Variants in RNF19A observed in about 807,000 individuals in gnomAD.
RNF19A encodes the protein ring finger protein 19A, RBR E3 ubiquitin protein ligase.
In RNF19A, 32 loss-of-function variants were observed where a neutral mutation model predicts 75.7. The ratio of observed to expected loss-of-function variants is 0.42; its 90% CI spans 0.32 to 0.57. The LOEUF is 0.57. RNF19A is among the 20% of genes least tolerant of loss of function. The pLI, the probability that RNF19A is intolerant of heterozygous loss-of-function variation, is 0.10. For synonymous variants in RNF19A, 335 were observed against 345.2 expected (o/e 0.97, Z 0.33); for missense variants, 782 against 1,036.3 (o/e 0.75, Z 3.37).
At chr8:100,280,338 T>C (rs1820723185) in intron 2 of RNF19A, among the ~76,000 whole-genome samples, 1 of 152,168 alleles carries the variant, frequency 6.6e-6, no homozygotes, top group Non-Finnish European at 1.5e-5. Context: ...AATAAGATTA[T>C]ACATATGTAG....
chr8:100,334,970 T>C (rs1054933925), intron 1 of RNF19A, among the ~76,000 whole-genome samples: 1 of 152,146 alleles, frequency 6.6e-6, no homozygotes, highest in African/African-American at 2.4e-5. Flanking sequence ...TAAAATAAGC[T>C]CAGATCTCCC....
rs1362505499 is a variant in RNF19A, at chr8:100,317,422, T to G, written c.-242-4050A>C. 6.6e-6 allele frequency among the ~76,000 whole-genome samples: 1 copy of G among 152,196 alleles called. No homozygotes were observed. The highest frequency in any genetic ancestry group is 1.5e-5 in the Non-Finnish European group (1 of 68,022). On this transcript the variant is annotated intron_variant, in intron 1 of 3. Coordinates refer to the RNF19A transcript ENST00000519527. The surrounding 1 kb of genome is among the most constrained non-coding windows in gnomAD (Gnocchi z 4.3). ...TTCCACTAGATCTCTCACTGGGCCCTTCAGAGAGTGCCAGGGGAAAGGAAA... is the reference window on the plus strand; with the variant it reads ...TTCCACTAGATCTCTCACTGGGCCCGTCAGAGAGTGCCAGGGGAAAGGAAA...
chr8:100,262,696 TG>T (rs1405286206), intron 7 of RNF19A, among the ~76,000 whole-genome samples: 5 of 152,178 alleles, frequency 3.3e-5, no homozygotes, highest in Admixed American at 3.3e-4. Context: ...CATGTGACTA[TG>T]GCTGCACTAT....
intron 1 of RNF19A, among the ~76,000 whole-genome samples, chr8:100,292,865 A>G (rs1020607434): frequency 6.6e-6 from 1 of 152,126 alleles, no homozygotes; most frequent in Non-Finnish European, 1.5e-5. Context: ...TGGAGGATGA[A>G]ACCTAATTGT....
In RNF19A at chr8:100,260,495, C is replaced by T. The variant is rs1212561129; in HGVS notation, c.1683-498G>A. On this transcript the variant is annotated intron_variant, in intron 8 of 9. Transcript: ENST00000341084. The surrounding 1 kb of genome is among the most constrained non-coding windows in gnomAD (Gnocchi z 4.1). Reference sequence around the variant, plus strand: ...ATGTTGCCCAGGCTGGTCTCAAATTCCTGGCCTCAAGCTATCCTCCCAACC... The same window carrying T: ...ATGTTGCCCAGGCTGGTCTCAAATTTCTGGCCTCAAGCTATCCTCCCAACC... Among the ~76,000 whole-genome samples, 1 of 152,024 alleles carries T rather than the reference C, an allele frequency of 6.6e-6. No homozygotes were observed. The highest frequency in any genetic ancestry group is 6.6e-5 in the Admixed American group (1 of 15,264).
intron 1 of RNF19A, among the ~76,000 whole-genome samples, chr8:100,308,689 TAAA>T (rs60819091): frequency 1.3e-5 from 2 of 149,058 alleles, no homozygotes; most frequent in Non-Finnish European, 3.0e-5. Context: ...CCATGTTCTT[TAAA>T]AAAAAAAAAT....
chr8:100,323,183 C>T lies in RNF19A; in HGVS notation c.-242-9811G>A, dbSNP rs1822485100. 6.6e-6 allele frequency among the ~76,000 whole-genome samples: 1 copy of T among 152,166 alleles called. No individual in the cohort carries two copies. The highest frequency in any genetic ancestry group is 3.4e-3 in the Middle Eastern group (1 of 294). Reference sequence around the variant, plus strand: ...GTAAGCCCATAAATATTAGCTGTTACCCAGAGTGTTATTTTAAGATGATGG... The same window carrying T: ...GTAAGCCCATAAATATTAGCTGTTATCCAGAGTGTTATTTTAAGATGATGG... On this transcript the variant is annotated intron_variant, in intron 1 of 3. Transcript: ENST00000519527. The surrounding 1 kb of genome is among the most constrained non-coding windows in gnomAD (Gnocchi z 4.6).
rs115110219 is a variant in RNF19A, at chr8:100,309,474, C to G, written c.-94+393G>C. The stretch of plus-strand genomic sequence containing the variant: ...CCGCGGCAACCGCCCTTGGGTCTCC[C>G]CCGCTTTAGGGGCAGGAGACAGCTC... On this transcript the variant is annotated intron_variant, in intron 1 of 9. Transcript: ENST00000341084. The G allele has an allele frequency of 1.2e-3, 1,138 of 985,550 alleles. 13 individuals are homozygous for G. In the African/African-American group the frequency reaches 0.019, roughly 17 times the overall value. The allele number at this position is 985,550 out of a possible 1,614,324, so 61.1% of individuals were successfully genotyped here.
At chr8:100,306,443 G>T (rs1586684499) in intron 1 of RNF19A, among the ~76,000 whole-genome samples, 1 of 151,704 alleles carries the variant, frequency 6.6e-6, no homozygotes, top group African/African-American at 2.4e-5. Flanking sequence ...ACATCAATAG[G>T]ATAAGACTAC....
At chr8:100,314,291 T>C (rs115977382), upstream of RNF19A, among the ~76,000 whole-genome samples, 1,269 of 152,298 alleles carry the variant, frequency 8.3e-3, 22 homozygotes, top group African/African-American at 0.029. The surrounding 1 kb of genome is among the most constrained non-coding windows in gnomAD (Gnocchi z 4.1). Flanking sequence ...ACATATACTA[T>C]ATGACAGGCA....
rs1330445389 is a variant in RNF19A, at chr8:100,257,422, T to G, written c.*1134A>C. 1 of 152,680 alleles carries G rather than the reference T, an allele frequency of 6.5e-6. No homozygotes were observed. Among genetic ancestry groups the G allele is most frequent in the Non-Finnish European group, 1.5e-5 (1 of 68,048 alleles). 9.5% of individuals were successfully genotyped at this position (152,680 alleles called of 1,614,324 possible). On this transcript the variant is annotated 3_prime_UTR_variant, in exon 10 of 10. Transcript: ENST00000341084. The stretch of plus-strand genomic sequence containing the variant: ...CAGTATTTTGGCCAACTTCTGCTTA[T>G]GTCAGCTGAACATTGTCCATAAACA...
rs749584775 is a variant in RNF19A at position 100,259,831 on chromosome 8, T to G, written c.1826+23A>C. On this transcript the variant is annotated intron_variant, in intron 9 of 9. Coordinates refer to ENST00000341084, the MANE Select transcript of RNF19A (RefSeq NM_183419.4). The surrounding 1 kb of genome is among the most constrained non-coding windows in gnomAD (Gnocchi z 4.5). ...CCTTTAATTTAAAAAATACTTTCAA[T>G]TTTTTAACAGTTTTTTCCTTACTTG... The G allele has an allele frequency of 1.3e-6, 2 of 1,592,116 alleles. No homozygotes were observed. The highest frequency in any genetic ancestry group is 1.8e-5 in the Admixed American group (1 of 55,938).
intron 1 of RNF19A, among the ~76,000 whole-genome samples, chr8:100,327,245 CTTT>C (rs71303441): frequency 2.6e-5 from 2 of 75,864 alleles, no homozygotes; most frequent in African/African-American, 5.5e-5. Flanking sequence ...GCAATTACTT[CTTT>C]TTTTTTTTTT....
At position 100,287,591 on chromosome 8, in the gene RNF19A, T is replaced by C. The variant is rs1283739833; in HGVS notation, c.584A>G (p.Asp195Gly). 1 of 1,614,162 alleles carries C rather than the reference T, an allele frequency of 6.2e-7. No homozygotes were observed. Among genetic ancestry groups the C allele is most frequent in the South Asian group, 1.1e-5 (1 of 91,082 alleles). The change falls in exon 2 of 10, where the codon GAT (aspartate) becomes GGT (glycine). Residue 195 changes from aspartate (D) to glycine (G), a missense_variant. This residue lies in a region of RNF19A where 85 missense variants were observed against 177.7 expected (regional missense o/e 0.48). Coordinates refer to ENST00000341084, the MANE Select transcript of RNF19A (RefSeq NM_183419.4). This position sits in a 1 kb window ranked among gnomAD's most constrained non-coding sequence, Gnocchi z 4.1. Reference sequence around the variant, plus strand: ...TTCTTCGTATTTTTCCATCAAGACATCATCACTTAATATCAAGCGAATATC... The same window carrying C: ...TTCTTCGTATTTTTCCATCAAGACACCATCACTTAATATCAAGCGAATATC... Reference protein sequence around the residue: ...PHDIRLILSDDVLMEKYEEFM... With the variant: ...PHDIRLILSDGVLMEKYEEFM...
At chr8:100,276,818 CAAACTT>C (rs2129741619) in intron 2 of RNF19A, among the ~76,000 whole-genome samples, 1 of 150,006 alleles carries the variant, frequency 6.7e-6, no homozygotes, top group African/African-American at 2.5e-5. Context: ...GGTGGATACA[CAAACTT>C]AAACATGATA....
intron 1 of RNF19A, among the ~76,000 whole-genome samples, chr8:100,292,744 C>T (rs1661681954): frequency 6.6e-6 from 1 of 152,052 alleles, no homozygotes; most frequent in African/African-American, 2.4e-5. Context: ...TCCTCCATGC[C>T]CCACCCCCTA....
Position 100,284,886 on chromosome 8 carries a change from G to A in RNF19A, c.674+2615C>T, listed in dbSNP as rs1479651373. 1.3e-5 allele frequency among the ~76,000 whole-genome samples: 2 copies of A among 152,070 alleles called. No individual in the cohort carries two copies. The highest frequency in any genetic ancestry group is 2.9e-5 in the Non-Finnish European group (2 of 67,988). ...ACTCACAATCTAAATTGGAACACTTGAGAAAGAAATGTAGTGCTATTAAAA... is the reference window on the plus strand; with the variant it reads ...ACTCACAATCTAAATTGGAACACTTAAGAAAGAAATGTAGTGCTATTAAAA... On this transcript the variant is annotated intron_variant, in intron 2 of 9. Coordinates refer to ENST00000341084, the MANE Select transcript of RNF19A (RefSeq NM_183419.4). This position sits in a 1 kb window ranked among gnomAD's most constrained non-coding sequence, Gnocchi z 4.3.
At position 100,258,223 on chromosome 8, in the gene RNF19A, AT is replaced by A. The variant is rs2132469836; in HGVS notation, c.*332del. Reference sequence around the variant, plus strand: ...GTTTTCTTCATTTGAATGCTGTAGAATTGCATTAGTATTTTATATTGATTAT... The same window carrying A: ...GTTTTCTTCATTTGAATGCTGTAGAATGCATTAGTATTTTATATTGATTAT... On this transcript the variant is annotated 3_prime_UTR_variant, in exon 10 of 10. Coordinates refer to ENST00000341084, the MANE Select transcript of RNF19A (RefSeq NM_183419.4). This position sits in a 1 kb window ranked among gnomAD's most constrained non-coding sequence, Gnocchi z 4.3. 9.6e-6 allele frequency: 4 copies of A among 416,700 alleles called. No individual in the cohort carries two copies. The South Asian group carries it at 4.1e-4, about 43-fold the overall frequency. The allele number at this position is 416,700 out of a possible 1,614,324, so 25.8% of individuals were successfully genotyped here. A position where few individuals can be genotyped will look rare whatever the true frequency, so the allele number is the denominator to read the frequency against.
At chr8:100,328,150 C>T (rs1212382137) in intron 1 of RNF19A, among the ~76,000 whole-genome samples, 1 of 152,318 alleles carries the variant, frequency 6.6e-6, no homozygotes, top group East Asian at 1.9e-4. Flanking sequence ...ATGCACCTCC[C>T]TTTCTTTGAG....
Sources: gnomAD v4.1 joint callset for allele counts (sites outside exome capture counted in the v4.1 genomes callset) on GRCh38, gnomAD v4.1.1 for gene constraint, gnomAD v4.1.1 regional missense constraint, Gnocchi (gnomAD v3.1) non-coding constraint, MANE v1.5 for transcripts, NCBI Gene and HGNC (gene_info 2026-07-23, HGNC 2026-07-21) for gene names.